The following LAMTOR3 variants were observed in gnomAD, a reference collection of about 807,000 sequenced individuals.
LAMTOR3 encodes ragulator complex protein LAMTOR3.
A neutral mutation model predicts 20.3 loss-of-function variants in LAMTOR3; 14 were observed. That is an observed-to-expected ratio of 0.69 (90% confidence interval 0.46 to 1.08). LAMTOR3 has a LOEUF of 1.08. Among genes scored for constraint, LAMTOR3 ranks in the 50% least tolerant of loss-of-function variants. LAMTOR3 has a pLI of 0.00. For missense variants in LAMTOR3, 125 were observed against 143.7 expected (o/e 0.87, Z 0.67); for synonymous variants, 40 against 49.4 (o/e 0.81, Z 0.80).
In LAMTOR3 at chr4:99,885,534, G is replaced by C. The variant is rs1724906719; in HGVS notation, c.237+8C>G. The C allele has an allele frequency of 6.3e-7, 1 of 1,592,502 alleles. No homozygotes were observed. The highest frequency in any genetic ancestry group is 1.4e-5 in the African/African-American group (1 of 73,586). On this transcript the variant is annotated splice_region_variant and intron_variant, in intron 5 of 6. Transcript: ENST00000499666. The stretch of plus-strand genomic sequence containing the variant: ...AATCAGCAAATCATTTTATAATTAT[G>C]AACTTACCTGGTAGGTGTTATAGTA...
chr4:99,884,183 A>C, intron 5 of LAMTOR3, 58 bp from the exon 6 acceptor site: 1 of 1,280,350 alleles, frequency 7.8e-7, no homozygotes, highest in Non-Finnish European at 1.1e-6. Context: ...AGTATAACTA[A>C]ACTGAAATGT....
chr4:99,882,094 CAT>C, intron 6 of LAMTOR3, 27 bp from the exon 7 acceptor site: 6 of 1,423,588 alleles, frequency 4.2e-6, no homozygotes, highest in South Asian at 2.5e-5. Context: ...AAGAAAATTA[CAT>C]GTTAGAAAAA....
At chr4:99,888,182 G>T (rs1048960426) in intron 3 of LAMTOR3, among the ~76,000 whole-genome samples, 3 of 152,096 alleles carry the variant, frequency 2.0e-5, no homozygotes, top group African/African-American at 7.2e-5. Context: ...TGCTATCTTG[G>T]GCTAGTTATG....
intron 2 of LAMTOR3, among the ~76,000 whole-genome samples, chr4:99,892,681 T>C (rs923689610): frequency 4.4e-5 from 2 of 45,780 alleles, no homozygotes; most frequent in African/African-American, 3.6e-4. Context: ...TGAGGCAACA[T>C]TTTTTTTTTT....
At position 99,880,656 on chromosome 4, in the gene LAMTOR3, C is replaced by A. The variant is rs1194931861; in HGVS notation, c.*1338G>T. Reference sequence around the variant, plus strand: ...GCACCTAGCCAATTGCCTCACTGCACAATTCTAGGGATAACAATCACACAT... The same window carrying A: ...GCACCTAGCCAATTGCCTCACTGCAAAATTCTAGGGATAACAATCACACAT... On this transcript the variant is annotated 3_prime_UTR_variant, in exon 7 of 7. Transcript: ENST00000499666. The A allele has an allele frequency of 1.3e-5, 2 of 151,890 alleles. No homozygotes were observed. The highest frequency in any genetic ancestry group is 4.8e-5 in the African/African-American group (2 of 41,342). The allele number at this position is 151,890 out of a possible 1,614,324, so 9.4% of individuals were successfully genotyped here. A position where few individuals can be genotyped will look rare whatever the true frequency, so the allele number is the denominator to read the frequency against.
intron 3 of LAMTOR3, among the ~76,000 whole-genome samples, chr4:99,890,400 T>C (rs527938262): frequency 6.6e-6 from 1 of 152,344 alleles, no homozygotes; most frequent in South Asian, 2.1e-4. Context: ...TGGCTGACTT[T>C]GTTACTGAGA....
chr4:99,884,944 C>T (rs931956460), intron 5 of LAMTOR3, among the ~76,000 whole-genome samples: 2 of 148,978 alleles, frequency 1.3e-5, no homozygotes, highest in Non-Finnish European at 3.0e-5. Flanking sequence ...CAGCATGGGG[C>T]AACAGAGCCA....
In LAMTOR3 at chr4:99,880,789, C is replaced by G. The variant is rs1724809908; in HGVS notation, c.*1205G>C. On this transcript the variant is annotated 3_prime_UTR_variant, in exon 7 of 7. Transcript: ENST00000499666. ...CTCGGCTGACTGGCACACAGGTGCTCAATGCATATGTACTGAACTGATCCA... is the reference window on the plus strand; with the variant it reads ...CTCGGCTGACTGGCACACAGGTGCTGAATGCATATGTACTGAACTGATCCA... The G allele has an allele frequency of 6.6e-6, 1 of 152,168 alleles. No individual in the cohort carries two copies. The highest frequency in any genetic ancestry group is 2.1e-4 in the South Asian group (1 of 4,834). The allele number at this position is 152,168 out of a possible 1,614,324, so 9.4% of individuals were successfully genotyped here. A position where few individuals can be genotyped will look rare whatever the true frequency, so the allele number is the denominator to read the frequency against.
intron 3 of LAMTOR3, among the ~76,000 whole-genome samples, chr4:99,890,998 T>G (rs556289695): frequency 8.5e-5 from 13 of 152,318 alleles, no homozygotes; most frequent in African/African-American, 3.1e-4. Flanking sequence ...TAATCACAGA[T>G]GATGTAATTA....
rs895960503 is a variant in LAMTOR3, at chr4:99,879,426, A to G, written c.*2568T>C. The G allele has an allele frequency of 2.0e-5, 3 of 152,188 alleles. No homozygotes were observed. The highest frequency in any genetic ancestry group is 7.2e-5 in the African/African-American group (3 of 41,450). The allele number at this position is 152,188 out of a possible 1,614,324, so 9.4% of individuals were successfully genotyped here. A position where few individuals can be genotyped will look rare whatever the true frequency, so the allele number is the denominator to read the frequency against. ...TAAAGGTTAAGTAGCTCCATTTGTT[A>G]TCATTTCTTTTTCTAGGATTTTTAG... On this transcript the variant is annotated 3_prime_UTR_variant, in exon 7 of 7. Coordinates refer to ENST00000499666, the MANE Select transcript of LAMTOR3 (RefSeq NM_021970.4).
chr4:99,892,300 G>A (rs938013968), intron 2 of LAMTOR3, among the ~76,000 whole-genome samples: 6 of 152,200 alleles, frequency 3.9e-5, no homozygotes, highest in African/African-American at 1.2e-4. Context: ...AAAGTTTATT[G>A]AGAAGATGCA....
Position 99,881,878 on chromosome 4 carries a change from A to C in LAMTOR3, c.*116T>G, listed in dbSNP as rs1724833490. ...ATGCTAGCTCTTTAGTATAAGTTGG[A>C]AAAAGGGGCCCTTTCTTGAGCACAT... is the stretch of plus-strand genomic sequence containing the variant. On this transcript the variant is annotated 3_prime_UTR_variant, in exon 7 of 7. Coordinates refer to ENST00000499666, the MANE Select transcript of LAMTOR3 (RefSeq NM_021970.4). 1 of 715,042 alleles carries C rather than the reference A, an allele frequency of 1.4e-6. No homozygotes were observed. The highest frequency in any genetic ancestry group is 2.8e-5 in the East Asian group (1 of 35,756). The allele number at this position is 715,042 out of a possible 1,614,324, so 44.3% of individuals were successfully genotyped here. A position where few individuals can be genotyped will look rare whatever the true frequency, so the allele number is the denominator to read the frequency against.
intron 2 of LAMTOR3, among the ~76,000 whole-genome samples, chr4:99,893,587 T>C (rs910690533): frequency 6.6e-6 from 1 of 152,200 alleles, no homozygotes; most frequent in Non-Finnish European, 1.5e-5. Context: ...AAAAAAGTAT[T>C]GTGGGTACAT....
rs552866835 is a variant in LAMTOR3 at position 99,881,172 on chromosome 4, T to C, written c.*822A>G. On this transcript the variant is annotated 3_prime_UTR_variant, in exon 7 of 7. Transcript: ENST00000499666. ...TATGTTTAGATTTTTGGAAAAAGTC[T>C]GAACAAAAAAAGGACCTATACAGTG... 4.6e-5 allele frequency: 7 copies of C among 152,248 alleles called. No individual in the cohort carries two copies. The East Asian group carries it at 1.3e-3, about 29-fold the overall frequency. The allele number at this position is 152,248 out of a possible 1,614,324, so 9.4% of individuals were successfully genotyped here.
At chr4:99,893,841 G>A (rs1725069974) in intron 2 of LAMTOR3, 114 bp downstream of exon 2, 6 of 670,916 alleles carry the variant, frequency 8.9e-6, no homozygotes, top group Non-Finnish European at 1.4e-5. Context: ...TGGGATGGGT[G>A]GGGCTGGGAG....
chr4:99,888,814 A>T (rs1336590880), intron 3 of LAMTOR3, among the ~76,000 whole-genome samples: 1 of 152,230 alleles, frequency 6.6e-6, no homozygotes. Flanking sequence ...ATAACTTTAT[A>T]AATGACTTTT....
chr4:99,886,642 A>G (rs1178267368), intron 4 of LAMTOR3, among the ~76,000 whole-genome samples: 1 of 152,170 alleles, frequency 6.6e-6, no homozygotes, highest in Non-Finnish European at 1.5e-5. Context: ...ACCTCCTTTC[A>G]TTTCTAAAGT....
intron 1 of LAMTOR3, 46 bp from the exon 2 acceptor site, chr4:99,894,046 T>A: frequency 2.4e-6 from 3 of 1,244,882 alleles, no homozygotes; most frequent in South Asian, 3.2e-5. Flanking sequence ...GGCTTCCTCG[T>A]CCTCCCCACC....
chr4:99,891,863 G>A (rs1273990778), intron 3 of LAMTOR3, 137 bp downstream of exon 3: 12 of 1,386,146 alleles, frequency 8.7e-6, no homozygotes, highest in African/African-American at 3.1e-5. Context: ...TCCAGAGGAC[G>A]TGAGGCTGGC....
Sources: allele counts gnomAD v4.1 joint callset (sites outside exome capture counted in the v4.1 genomes callset), GRCh38; gene constraint gnomAD v4.1.1; transcripts MANE v1.5; gene names NCBI Gene and HGNC (gene_info 2026-07-23, HGNC 2026-07-21).